CCDC178: variants seen among roughly 807,000 people sequenced by gnomAD.
CCDC178 encodes coiled-coil domain containing 178.
Under a neutral mutation model 117.4 loss-of-function variants are expected in CCDC178, and 126 were observed. The ratio of observed to expected loss-of-function variants is 1.07; its 90% confidence interval spans 0.93 to 1.24. CCDC178 has a LOEUF of 1.24. CCDC178 is among the 50% of genes most tolerant of loss of function. The pLI, the probability that CCDC178 is intolerant of heterozygous loss-of-function variation, is 0.00. For missense variants in CCDC178, 1,030 were observed against 986.9 expected (o/e 1.04, Z -0.59); for synonymous variants, 283 against 313.4 (o/e 0.90, Z 1.02).
chr18:33,030,538 T>TAGAG (rs1218968678), intron 21 of CCDC178, among the ~76,000 whole-genome samples: 3 of 151,456 alleles, frequency 2.0e-5, no homozygotes, highest in Non-Finnish European at 2.9e-5. Context: ...GATAGATAGA[T>TAGAG]AGATAGATAG....
intron 20 of CCDC178, among the ~76,000 whole-genome samples, chr18:33,187,154 G>T (rs1436814076): frequency 6.6e-6 from 1 of 151,240 alleles, no homozygotes; most frequent in Non-Finnish European, 1.5e-5. Context: ...TAAACCATCA[G>T]ATCTCATAAG....
At chr18:33,133,225 AG>A (rs1420797170) in intron 20 of CCDC178, among the ~76,000 whole-genome samples, 2 of 151,864 alleles carry the variant, frequency 1.3e-5, no homozygotes, top group African/African-American at 4.8e-5. Context: ...CTCAATAAGC[AG>A]AAAAATATTT....
At chr18:33,310,413 T>C (rs2062324367) in intron 11 of CCDC178, among the ~76,000 whole-genome samples, 1 of 152,194 alleles carries the variant, frequency 6.6e-6, no homozygotes, top group African/African-American at 2.4e-5. Flanking sequence ...AATTACTGGC[T>C]GGCCACTGTA....
At chr18:33,258,595 A>C (rs1238829994) in intron 14 of CCDC178, among the ~76,000 whole-genome samples, 2 of 152,196 alleles carry the variant, frequency 1.3e-5, no homozygotes. Flanking sequence ...CAACATGTTT[A>C]TTATTATTTT....
At chr18:33,236,135 G>A (rs547237649) in intron 15 of CCDC178, among the ~76,000 whole-genome samples, 3 of 152,184 alleles carry the variant, frequency 2.0e-5, no homozygotes, top group Non-Finnish European at 2.9e-5. Flanking sequence ...CCTATTTCTT[G>A]GAGCTACCCT....
At chr18:33,319,113 A>G (rs2062464367) in intron 11 of CCDC178, among the ~76,000 whole-genome samples, 1 of 152,012 alleles carries the variant, frequency 6.6e-6, no homozygotes, top group Non-Finnish European at 1.5e-5. Context: ...ACATATGTAT[A>G]CATGTGCCAT....
chr18:33,215,721 T>C (rs1220702443), intron 18 of CCDC178, 26 bp from the exon 19 acceptor site: 3 of 1,436,528 alleles, frequency 2.1e-6, no homozygotes, highest in Non-Finnish European at 2.8e-6. Flanking sequence ...CACAAGTGTT[T>C]ATTTTAAATA....
intron 19 of CCDC178, among the ~76,000 whole-genome samples, chr18:33,215,041 A>G (rs1206052988): frequency 6.6e-6 from 1 of 151,986 alleles, no homozygotes; most frequent in African/African-American, 2.4e-5. Flanking sequence ...TGAGCCTGAG[A>G]GCATGATCAT....
intron 3 of CCDC178, among the ~76,000 whole-genome samples, chr18:33,410,484 A>G (rs2063835203): frequency 6.6e-6 from 1 of 152,200 alleles, no homozygotes; most frequent in Non-Finnish European, 1.5e-5. Context: ...GAAGAAATAA[A>G]GAGCTACAAA....
chr18:33,061,783 T>C (rs111441055), intron 21 of CCDC178, among the ~76,000 whole-genome samples: 4 of 152,266 alleles, frequency 2.6e-5, no homozygotes, highest in South Asian at 2.1e-4. Flanking sequence ...TCAATACTGC[T>C]GATGTGTTTT....
intron 16 of CCDC178, 73 bp downstream of exon 16, chr18:33,226,720 C>T: frequency 9.1e-7 from 1 of 1,094,526 alleles, no homozygotes. Context: ...TGCCTCATTA[C>T]AGGCAAATTT....
intron 12 of CCDC178, among the ~76,000 whole-genome samples, chr18:33,287,120 T>A (rs2060107535): frequency 6.6e-6 from 1 of 151,740 alleles, no homozygotes; most frequent in Non-Finnish European, 1.5e-5. Context: ...AAGTGTATGT[T>A]AATGAGGTAA....
chr18:33,013,177 C>T (rs996344780), intron 21 of CCDC178, among the ~76,000 whole-genome samples: 1 of 152,126 alleles, frequency 6.6e-6, no homozygotes, highest in African/African-American at 2.4e-5. Flanking sequence ...AGTTTCTCCT[C>T]CTTTTGAAAA....
intron 2 of CCDC178, among the ~76,000 whole-genome samples, chr18:33,423,743 A>AT (rs2064068762): frequency 6.6e-6 from 1 of 152,062 alleles, no homozygotes. Context: ...CAAAGTGTTG[A>AT]TTTTTTAATG....
intron 21 of CCDC178, among the ~76,000 whole-genome samples, chr18:32,980,626 G>C (rs2055136634): frequency 7.0e-6 from 1 of 142,488 alleles, no homozygotes; most frequent in South Asian, 2.3e-4. Flanking sequence ...AATAGAAACA[G>C]TATACCAGAA....
At chr18:33,068,483 G>C (rs2057057207) in intron 21 of CCDC178, among the ~76,000 whole-genome samples, 1 of 152,134 alleles carries the variant, frequency 6.6e-6, no homozygotes, top group African/African-American at 2.4e-5. Context: ...GATCAAGTGG[G>C]ATTTATCCCA....
In CCDC178 at chr18:33,249,068, T is replaced by TCA. The variant is rs2059585745; in HGVS notation, c.1410-3641_1410-3640insTG. Among the ~76,000 whole-genome samples the TCA allele has an allele frequency of 2.0e-5, 3 of 152,286 alleles. No homozygotes were observed. In the South Asian group the frequency reaches 6.2e-4, roughly 32 times the overall value. ...GTTTTGGCTGCATAAATGTCTTCTT[T>TCA]TGAGAAGTGTCTGTTCATATCCTTC... On this transcript the variant is annotated intron_variant, in intron 14 of 22. Transcript: ENST00000383096.
intron 12 of CCDC178, among the ~76,000 whole-genome samples, chr18:33,282,802 C>T (rs1052329277): frequency 1.3e-5 from 2 of 152,154 alleles, no homozygotes; most frequent in Admixed American, 6.5e-5. Context: ...CCTCGGAGGG[C>T]CCAGAGCCAG....
intron 21 of CCDC178, among the ~76,000 whole-genome samples, chr18:33,026,637 C>T (rs768896136): frequency 2.0e-4 from 30 of 151,646 alleles, no homozygotes; most frequent in African/African-American, 5.6e-4. Context: ...AAGTATATTA[C>T]GTTTAAAGCA....
Sources: allele counts gnomAD v4.1 joint callset (sites outside exome capture counted in the v4.1 genomes callset), GRCh38; gene constraint gnomAD v4.1.1; transcripts MANE v1.5; gene names NCBI Gene and HGNC (gene_info 2026-07-23, HGNC 2026-07-21).